Variants in TBPL2 observed in about 807,000 individuals in gnomAD.
TBPL2 encodes TATA box-binding protein-like 2.
In TBPL2, 40 loss-of-function variants were observed where a neutral mutation model predicts 38.2. That is an observed-to-expected ratio of 1.05 (90% CI 0.81 to 1.36). TBPL2 has a LOEUF of 1.36. TBPL2 is among the 40% of genes most tolerant of loss of function. The pLI is 0.00. For missense variants in TBPL2, 461 were observed against 456.7 expected (o/e 1.01, Z -0.09); for synonymous variants, 169 against 171.7 (o/e 0.98, Z 0.12).
chr14:55,440,570 G>T, exon 1 of TBPL2: 1 of 1,567,572 alleles, frequency 6.4e-7, no homozygotes. Context: ...GCAGCGAGGC[G>T]GGGCGGCCCT....
At chr14:55,415,802 G>T (rs1885659897) in intron 6 of TBPL2, among the ~76,000 whole-genome samples, 1 of 152,088 alleles carries the variant, frequency 6.6e-6, no homozygotes, top group Non-Finnish European at 1.5e-5. Context: ...GGAGGCGGGG[G>T]TTGCAATGAG....
At chr14:55,429,292 GACCAGCAGCTTC>G (rs1165642363) in intron 4 of TBPL2, among the ~76,000 whole-genome samples, 1 of 152,244 alleles carries the variant, frequency 6.6e-6, no homozygotes, top group Admixed American at 6.5e-5. Context: ...TGTGTCCCCA[GACCAGCAGCTTC>G]ACCTGGGAAC....
chr14:55,421,060 C>CAAAA (rs71131263), intron 6 of TBPL2, among the ~76,000 whole-genome samples: 42 of 107,528 alleles, frequency 3.9e-4, no homozygotes, highest in Admixed American at 4.2e-4. Context: ...GAATCTGTCT[C>CAAAA]AAAAAAAAAA....
intron 5 of TBPL2, among the ~76,000 whole-genome samples, chr14:55,425,141 G>T (rs967131575): frequency 2.0e-5 from 3 of 152,180 alleles, no homozygotes; most frequent in African/African-American, 7.2e-5. Context: ...CCTTTTACTG[G>T]CTCCAGAAAG....
At chr14:55,431,773 A>G (rs1398153519) in intron 4 of TBPL2, among the ~76,000 whole-genome samples, 1 of 152,246 alleles carries the variant, frequency 6.6e-6, no homozygotes, top group Non-Finnish European at 1.5e-5. Flanking sequence ...ACATTGAAAC[A>G]AAATTCTAGA....
At chr14:55,440,511 C>T in exon 1 of TBPL2, 1 of 1,611,290 alleles carries the variant, frequency 6.2e-7, no homozygotes, top group Non-Finnish European at 8.5e-7. Flanking sequence ...AGCGAGCAGC[C>T]TCGGAACCCG....
chr14:55,414,427 T>A (rs757244526), exon 7 of TBPL2: 3 of 1,608,572 alleles, frequency 1.9e-6, no homozygotes, highest in Non-Finnish European at 2.5e-6. Context: ...TTTCAAATGC[T>A]TCATAGATCT....
chr14:55,439,469 A>G (rs12888361), intron 1 of TBPL2, among the ~76,000 whole-genome samples: 78,681 of 151,206 alleles, frequency 0.52, 20,640 homozygotes, highest in East Asian at 0.65. Flanking sequence ...CAGCTAGCAC[A>G]ATGCACTCTC....
At chr14:55,418,835 G>A (rs953071347) in intron 6 of TBPL2, among the ~76,000 whole-genome samples, 1 of 152,194 alleles carries the variant, frequency 6.6e-6, no homozygotes, top group African/African-American at 2.4e-5. Context: ...CCAGGAGAGT[G>A]TGTTTTCACT....
intron 1 of TBPL2, 89 bp downstream of exon 1, chr14:55,440,307 T>G: frequency 1.3e-6 from 2 of 1,487,498 alleles, no homozygotes; most frequent in South Asian, 1.2e-5. Context: ...ATGGTCGCTA[T>G]GAGTTTTAAG....
intron 6 of TBPL2, 26 bp from the exon 7 acceptor site, chr14:55,414,481 AT>A: frequency 6.6e-7 from 1 of 1,504,496 alleles, no homozygotes; most frequent in Non-Finnish European, 9.0e-7. Flanking sequence ...GGTTTATATA[AT>A]TTTTAATATA....
chr14:55,418,389 G>T (rs1885697546), intron 6 of TBPL2, among the ~76,000 whole-genome samples: 1 of 152,178 alleles, frequency 6.6e-6, no homozygotes, highest in South Asian at 2.1e-4. Context: ...TTCCAGTTCT[G>T]TTCTTACATC....
chr14:55,436,427 A>T, intron 2 of TBPL2, 134 bp downstream of exon 2: 1 of 847,538 alleles, frequency 1.2e-6, no homozygotes, highest in Non-Finnish European at 1.8e-6. Context: ...CAATCCATTT[A>T]GAACTGATAA....
At chr14:55,421,734 A>G (rs1432489130) in intron 6 of TBPL2, among the ~76,000 whole-genome samples, 1 of 152,196 alleles carries the variant, frequency 6.6e-6, no homozygotes, top group African/African-American at 2.4e-5. Flanking sequence ...AAGTGCTGGG[A>G]TTACAGGCGT....
At chr14:55,430,859 CTAAT>C (rs993720401) in intron 4 of TBPL2, among the ~76,000 whole-genome samples, 27 of 152,186 alleles carry the variant, frequency 1.8e-4, no homozygotes, top group African/African-American at 6.3e-4. Flanking sequence ...TTTTGCCTAA[CTAAT>C]CTATTACATT....
At chr14:55,422,638 G>A (rs752297128) in intron 6 of TBPL2, among the ~76,000 whole-genome samples, 5 of 152,186 alleles carry the variant, frequency 3.3e-5, no homozygotes, top group African/African-American at 4.8e-5. Flanking sequence ...GATCACTTGA[G>A]GCCAGAGGTT....
At chr14:55,429,130 C>T (rs1293870412) in intron 4 of TBPL2, among the ~76,000 whole-genome samples, 156 bp from the exon 5 acceptor site, 4 of 152,230 alleles carry the variant, frequency 2.6e-5, no homozygotes, top group African/African-American at 4.8e-5. Flanking sequence ...CCCATACTTT[C>T]GTCCCTAGCA....
intron 6 of TBPL2, among the ~76,000 whole-genome samples, chr14:55,416,983 C>G (rs546423352): frequency 6.6e-6 from 1 of 152,096 alleles, no homozygotes; most frequent in Non-Finnish European, 1.5e-5. Flanking sequence ...GACTTCAGAC[C>G]GAAAATCATA....
At chr14:55,416,815 A>C (rs986646912) in intron 6 of TBPL2, among the ~76,000 whole-genome samples, 1 of 152,196 alleles carries the variant, frequency 6.6e-6, no homozygotes, top group African/African-American at 2.4e-5. Context: ...CCCCTCTCCC[A>C]AAATCCCCAA....
Sources: allele counts gnomAD v4.1 joint callset (sites outside exome capture counted in the v4.1 genomes callset), GRCh38; gene constraint gnomAD v4.1.1; transcripts MANE v1.5; gene names NCBI Gene and HGNC (gene_info 2026-07-23, HGNC 2026-07-21).